LAMA4: variants seen among roughly 807,000 people sequenced by gnomAD.
LAMA4 encodes the protein laminin subunit alpha 4.
A neutral mutation model predicts 207.1 loss-of-function variants in LAMA4; 127 were observed. The ratio of observed to expected loss-of-function variants is 0.61; its 90% CI spans 0.53 to 0.71. The LOEUF (loss-of-function observed/expected upper bound fraction) is 0.71, where lower values mean the gene tolerates loss of function less well. Among genes scored for constraint, LAMA4 ranks in the 30% least tolerant of loss-of-function variants. LAMA4 has a pLI of 0.00. For missense variants in LAMA4, 2,093 were observed against 2,246.5 expected (o/e 0.93, Z 1.38); for synonymous variants, 761 against 816.0 (o/e 0.93, Z 1.15).
intron 2 of LAMA4, among the ~76,000 whole-genome samples, chr6:112,226,427 T>A (rs572991562): frequency 1.8e-4 from 27 of 152,198 alleles, no homozygotes; most frequent in Non-Finnish European, 3.1e-4. Context: ...TACTATTACA[T>A]ACGCTACAGA....
At chr6:112,190,205 A>G (rs1222452424) in intron 6 of LAMA4, among the ~76,000 whole-genome samples, 1 of 152,178 alleles carries the variant, frequency 6.6e-6, no homozygotes, top group Non-Finnish European at 1.5e-5. Flanking sequence ...AAATTTAGTA[A>G]ATGTTTTGAG....
chr6:112,136,187 C>T lies in LAMA4; in HGVS notation c.3350G>A (p.Gly1117Asp). ...CGTATCTTCAAGATGCACAGGGCCACCGCTGAATCCAAAATCATAGAACAC... is the reference window on the plus strand; with the variant it reads ...CGTATCTTCAAGATGCACAGGGCCATCGCTGAATCCAAAATCATAGAACAC... ...LHVFYDFGFS[G>D]GPVHLEDTLK... The change falls in exon 25 of 39, where the codon GGT becomes GAT. Residue 1117 changes from glycine to aspartate, a missense_variant. By Grantham distance (94) the Gly-to-Asp change is moderately conservative. This residue lies in a region of LAMA4 where 1,704 missense variants were observed against 1,788.4 expected (regional missense o/e 0.95). Transcript: ENST00000230538. The T allele has an allele frequency of 6.2e-7, 1 of 1,612,660 alleles. No individual in the cohort carries two copies. The highest frequency in any genetic ancestry group is 1.1e-5 in the South Asian group (1 of 91,062).
intron 31 of LAMA4, among the ~76,000 whole-genome samples, chr6:112,124,006 C>G (rs1554326804): frequency 6.6e-6 from 1 of 152,166 alleles, no homozygotes; most frequent in Non-Finnish European, 1.5e-5. Context: ...CCAGGAGATT[C>G]TTTAACTCTA....
chr6:112,145,241 G>A (rs1347158123), intron 18 of LAMA4, among the ~76,000 whole-genome samples: 2 of 152,212 alleles, frequency 1.3e-5, no homozygotes, highest in Non-Finnish European at 1.5e-5. Context: ...ATGTATAACT[G>A]CCCTGCCGAT....
chr6:112,215,898 G>T (rs1784599063), intron 3 of LAMA4, among the ~76,000 whole-genome samples: 1 of 152,088 alleles, frequency 6.6e-6, no homozygotes, highest in South Asian at 2.1e-4. Context: ...TCAGCTATTG[G>T]GTTCAAACTT....
chr6:112,193,501 G>C (rs1196401273), intron 5 of LAMA4, among the ~76,000 whole-genome samples: 1 of 151,874 alleles, frequency 6.6e-6, no homozygotes, highest in African/African-American at 2.4e-5. Flanking sequence ...GTAATCCCAG[G>C]ACCCTAAAAA....
chr6:112,195,180 A>G (rs554299934), intron 5 of LAMA4, among the ~76,000 whole-genome samples: 1 of 152,190 alleles, frequency 6.6e-6, no homozygotes, highest in African/African-American at 2.4e-5. Flanking sequence ...TGGCTCAGAA[A>G]CCTTTCTGGG....
intron 29 of LAMA4, chr6:112,130,301 TGTG>T (rs1778961551): frequency 5.8e-6 from 1 of 173,412 alleles, no homozygotes; most frequent in South Asian, 5.8e-5. Flanking sequence ...GCATTATTTT[TGTG>T]TGTGTGTGTG....
intron 11 of LAMA4, among the ~76,000 whole-genome samples, chr6:112,173,955 GCTT>G (rs1781870241): frequency 6.6e-6 from 1 of 152,138 alleles, no homozygotes; most frequent in Non-Finnish European, 1.5e-5. Context: ...TAATGTATAT[GCTT>G]CTTTACTAAT....
At chr6:112,129,798 C>G in intron 30 of LAMA4, 78 bp downstream of exon 30, 1 of 1,148,006 alleles carries the variant, frequency 8.7e-7, no homozygotes, top group Non-Finnish European at 1.3e-6. Flanking sequence ...TTTCATAGTT[C>G]TCAGTTTTAA....
intron 13 of LAMA4, 119 bp from the exon 14 acceptor site, chr6:112,158,999 G>T (rs1780892191): frequency 2.8e-6 from 2 of 723,112 alleles, no homozygotes; most frequent in Non-Finnish European, 4.8e-6. Flanking sequence ...TTTCAGTGCA[G>T]GACCACATAA....
intron 18 of LAMA4, among the ~76,000 whole-genome samples, chr6:112,147,200 A>G (rs1322292996): frequency 1.3e-5 from 2 of 152,208 alleles, no homozygotes; most frequent in Non-Finnish European, 2.9e-5. Flanking sequence ...TTCCCGAGGC[A>G]ATATCATTAT....
At position 112,136,192 on chromosome 6, in the gene LAMA4, G is replaced by C; in HGVS notation, c.3345C>G (p.Phe1115Leu). Residue 1115 changes from phenylalanine (F) to leucine (L), a missense_variant, in exon 25 of 39, where the codon TTC becomes TTG. Coordinates refer to ENST00000230538, the MANE Select transcript of LAMA4 (RefSeq NM_001105206.3). ...GYLHVFYDFG[F>L]SGGPVHLEDT... ...CTTCAAGATGCACAGGGCCACCGCT[G>C]AATCCAAAATCATAGAACACATGTA... is the stretch of plus-strand genomic sequence containing the variant. 1 of 1,612,456 alleles carries C rather than the reference G, an allele frequency of 6.2e-7. No homozygotes were observed. The highest frequency in any genetic ancestry group is 1.1e-5 in the South Asian group (1 of 91,044).
intron 18 of LAMA4, among the ~76,000 whole-genome samples, chr6:112,145,503 C>A (rs1305698869): frequency 6.6e-6 from 1 of 152,228 alleles, no homozygotes; most frequent in Non-Finnish European, 1.5e-5. Context: ...CAAGAGCAAG[C>A]CGACTGCTCA....
At chr6:112,187,996 G>T (rs1431535760) in intron 7 of LAMA4, among the ~76,000 whole-genome samples, 1 of 152,152 alleles carries the variant, frequency 6.6e-6, no homozygotes, top group Non-Finnish European at 1.5e-5. Flanking sequence ...CTGAACGTGG[G>T]CACATGGGGA....
intron 14 of LAMA4, 132 bp from the exon 15 acceptor site, chr6:112,155,838 G>A (rs1554336840): frequency 1.9e-6 from 2 of 1,078,330 alleles, no homozygotes; most frequent in African/African-American, 3.1e-5. Context: ...CACCTAGTGT[G>A]GCAAGGTTTT....
intron 5 of LAMA4, among the ~76,000 whole-genome samples, 174 bp downstream of exon 5, chr6:112,201,434 T>TG (rs1783739972): frequency 1.3e-5 from 2 of 152,190 alleles, no homozygotes; most frequent in Non-Finnish European, 2.9e-5. Context: ...TTGCTGTATC[T>TG]GGGGGATGGG....
chr6:112,178,747 C>T (rs914552427), intron 9 of LAMA4: 1 of 164,904 alleles, frequency 6.1e-6, no homozygotes, highest in Non-Finnish European at 1.3e-5. Context: ...AAATCTGGTG[C>T]TATTCCTATA....
chr6:112,140,016 G>A (rs959319666), intron 22 of LAMA4, 131 bp from the exon 23 acceptor site: 4 of 857,604 alleles, frequency 4.7e-6, no homozygotes, highest in Non-Finnish European at 7.7e-6. Context: ...CTAGACCCGA[G>A]TGTGTTTATG....
Sources: allele counts gnomAD v4.1 joint callset (sites outside exome capture counted in the v4.1 genomes callset), GRCh38; gene constraint gnomAD v4.1.1; regional missense constraint gnomAD v4.1.1; transcripts MANE v1.5; gene names NCBI Gene and HGNC (gene_info 2026-07-23, HGNC 2026-07-21).